The following PIK3C3 variants were observed in gnomAD, a reference collection of about 807,000 sequenced individuals.
PIK3C3 encodes phosphatidylinositol 3-kinase catalytic subunit type 3, also known as PI3-kinase type 3.
Under a neutral mutation model 126.1 loss-of-function variants are expected in PIK3C3, and 95 were observed. The ratio of observed to expected loss-of-function variants is 0.75; its 90% confidence interval spans 0.64 to 0.89. The LOEUF is 0.89. Among genes scored for constraint, PIK3C3 ranks in the 40% least tolerant of loss-of-function variants. The pLI is 0.00. For synonymous variants in PIK3C3, 374 were observed against 360.0 expected (o/e 1.04, Z -0.44); for missense variants, 829 against 1,063.2 (o/e 0.78, Z 3.06).
chr18:42,039,612 C>T (rs756118040), intron 18 of PIK3C3, among the ~76,000 whole-genome samples: 7 of 152,232 alleles, frequency 4.6e-5, no homozygotes, highest in Non-Finnish European at 7.3e-5. Flanking sequence ...CTAAGGCCTT[C>T]ACATACACTG....
At chr18:41,983,215 C>G (rs1036400316) in intron 4 of PIK3C3, among the ~76,000 whole-genome samples, 44 of 152,086 alleles carry the variant, frequency 2.9e-4, no homozygotes, top group African/African-American at 9.7e-4. Flanking sequence ...GGGCAGAGAA[C>G]TTGCTTCTTT....
intron 9 of PIK3C3, among the ~76,000 whole-genome samples, chr18:41,998,370 A>T (rs1982126997): frequency 6.6e-6 from 1 of 152,166 alleles, no homozygotes; most frequent in African/African-American, 2.4e-5. Context: ...TGGTCACAGA[A>T]ACTGCATCTT....
At chr18:42,019,096 A>G (rs1983206350) in intron 12 of PIK3C3, among the ~76,000 whole-genome samples, 1 of 152,126 alleles carries the variant, frequency 6.6e-6, no homozygotes, top group Non-Finnish European at 1.5e-5. Context: ...CTAGGTAAGA[A>G]TGGTCTGTTT....
chr18:42,024,964 C>T (rs7237737), intron 13 of PIK3C3, among the ~76,000 whole-genome samples: 25,682 of 151,780 alleles, frequency 0.17, 2,416 homozygotes, highest in East Asian at 0.29. Context: ...CCACTGTGCC[C>T]GGCTAATTTT....
chr18:42,049,556 A>G lies in PIK3C3; in HGVS notation c.2214A>G (p.Ile738Met). Residue 738 changes from isoleucine to methionine, a missense_variant, in exon 21 of 25, where the codon ATA becomes ATG. By Grantham distance (10) the Ile-to-Met change is conservative (BLOSUM62 1). Transcript: ENST00000262039. The stretch of plus-strand genomic sequence containing the variant: ...CTGGATATTGCGTGATCACCTATAT[A>G]CTTGGAGTTGGAGACAGGCACCTGG... ...SCAGYCVITY[I>M]LGVGDRHLDN... 3 of 1,613,896 alleles carry G rather than the reference A, an allele frequency of 1.9e-6. No homozygotes were observed. The South Asian group carries it at 3.3e-5, about 18-fold the overall frequency.
intron 13 of PIK3C3, chr18:42,025,361 A>C (rs1338167373): frequency 2.6e-5 from 4 of 152,234 alleles, no homozygotes; most frequent in Non-Finnish European, 5.9e-5. Flanking sequence ...TTCACCATTT[A>C]GAACTGCTGT....
intron 4 of PIK3C3, among the ~76,000 whole-genome samples, chr18:41,987,317 C>T (rs1168891229): frequency 2.0e-5 from 3 of 152,050 alleles, no homozygotes; most frequent in Admixed American, 2.0e-4. Context: ...CTTTTATCAC[C>T]GTTGCCTAAA....
chr18:42,036,866 T>A (rs1984077343), intron 16 of PIK3C3, among the ~76,000 whole-genome samples: 1 of 152,172 alleles, frequency 6.6e-6, no homozygotes, highest in Non-Finnish European at 1.5e-5. Flanking sequence ...AATCTGAAAC[T>A]TTTTGAGTGC....
chr18:42,029,028 A>G (rs1983699596), intron 14 of PIK3C3, among the ~76,000 whole-genome samples: 1 of 152,168 alleles, frequency 6.6e-6, no homozygotes, highest in Admixed American at 6.5e-5. Context: ...GAGTGAATGT[A>G]TTTTAGGATG....
At chr18:42,066,099 T>G (rs956785318) in intron 23 of PIK3C3, among the ~76,000 whole-genome samples, 1 of 152,212 alleles carries the variant, frequency 6.6e-6, no homozygotes, top group African/African-American at 2.4e-5. Flanking sequence ...AAGATCGAAC[T>G]TAAGGAATAT....
chr18:42,027,283 G>C lies in PIK3C3; in HGVS notation c.1485-160G>C, dbSNP rs142996056. ...GATGGTTGTATGTGTTCCTCTTTAAGTTTTCACTTTTAAAAGTGATGATAA... is the reference window on the plus strand; with the variant it reads ...GATGGTTGTATGTGTTCCTCTTTAACTTTTCACTTTTAAAAGTGATGATAA... On this transcript the variant is annotated intron_variant, in intron 13 of 24. Coordinates refer to ENST00000262039, the MANE Select transcript of PIK3C3 (RefSeq NM_002647.4). The C allele has an allele frequency of 1.1e-3, 420 of 385,960 alleles. 1 individual carries two copies. The highest frequency in any genetic ancestry group is 7.7e-3 in the African/African-American group (367 of 47,602). The allele number at this position is 385,960 out of a possible 1,614,324, so 23.9% of individuals were successfully genotyped here.
rs370495014 is a variant in PIK3C3, at chr18:42,002,321, AT to A, written c.985-2033del. ...TGAGAGGTTAATGAAATGGGTTTGC[AT>A]TGTGGTAAGTGGTAGCAATGAAATG... On this transcript the variant is annotated intron_variant, in intron 9 of 24. Coordinates refer to ENST00000262039, the MANE Select transcript of PIK3C3 (RefSeq NM_002647.4). Among the ~76,000 whole-genome samples, 46 of 152,316 alleles carry A rather than the reference AT, an allele frequency of 3.0e-4. No individual in the cohort carries two copies. The East Asian group carries it at 5.6e-3, about 19-fold the overall frequency.
chr18:42,060,543 G>A (rs1346618817), intron 22 of PIK3C3, among the ~76,000 whole-genome samples: 5 of 152,036 alleles, frequency 3.3e-5, no homozygotes, highest in African/African-American at 1.2e-4. Context: ...GGCTGAGGTG[G>A]GTGGATCACT....
chr18:42,007,229 CTT>C (rs1982595422), intron 10 of PIK3C3, among the ~76,000 whole-genome samples: 1 of 152,150 alleles, frequency 6.6e-6, no homozygotes, highest in South Asian at 2.1e-4. Flanking sequence ...AAGATATCTG[CTT>C]TTTACATTTT....
intron 7 of PIK3C3, among the ~76,000 whole-genome samples, chr18:41,995,083 A>T (rs991875056): frequency 6.6e-6 from 1 of 152,092 alleles, no homozygotes; most frequent in Non-Finnish European, 1.5e-5. Flanking sequence ...GTAGGGAAAG[A>T]CTTTTTAACT....
intron 20 of PIK3C3, among the ~76,000 whole-genome samples, chr18:42,044,344 A>C (rs1333391848): frequency 6.6e-6 from 1 of 152,130 alleles, no homozygotes; most frequent in Non-Finnish European, 1.5e-5. Context: ...ATTTATGTCT[A>C]ACTTCACGAA....
intron 6 of PIK3C3, among the ~76,000 whole-genome samples, chr18:41,991,907 T>C (rs1981797308): frequency 6.6e-6 from 1 of 152,180 alleles, no homozygotes; most frequent in Non-Finnish European, 1.5e-5. Flanking sequence ...TGCATTTTAA[T>C]AAAATCATAT....
intron 21 of PIK3C3, among the ~76,000 whole-genome samples, chr18:42,055,028 A>G (rs12456934): frequency 0.24 from 35,799 of 151,814 alleles, 4,572 homozygotes; most frequent in South Asian, 0.4. Flanking sequence ...CCCACTTGCT[A>G]TAATTTGGGT....
At chr18:41,966,905 T>C (rs1283125223) in intron 3 of PIK3C3, among the ~76,000 whole-genome samples, 1 of 152,194 alleles carries the variant, frequency 6.6e-6, no homozygotes, top group Non-Finnish European at 1.5e-5. Context: ...AAGATTTTAA[T>C]ATAGGTCTAA....
Sources: allele counts gnomAD v4.1 joint callset (sites outside exome capture counted in the v4.1 genomes callset), GRCh38; gene constraint gnomAD v4.1.1; transcripts MANE v1.5; gene names NCBI Gene and HGNC (gene_info 2026-07-23, HGNC 2026-07-21).